The following RBFOX1 variants were observed in gnomAD, a reference collection of about 807,000 sequenced individuals.
RBFOX1 encodes the protein RNA binding protein fox-1 homolog 1.
Under a neutral mutation model 57.7 loss-of-function variants are expected in RBFOX1, and 8 were observed. The ratio of observed to expected loss-of-function variants is 0.14; its 90% CI spans 0.08 to 0.25. The LOEUF is 0.25. RBFOX1 is among the 10% of genes least tolerant of loss of function. RBFOX1 has a pLI of 1.00. For synonymous variants in RBFOX1, 326 were observed against 222.4 expected, an observed-to-expected ratio of 1.47 and a Z score of -4.15; for missense variants, 611 against 548.5, an observed-to-expected ratio of 1.11 and a Z score of -1.14.
chr16:5,850,673 G>C (rs537261234), intron 3 of RBFOX1, among the ~76,000 whole-genome samples: 2 of 152,216 alleles, frequency 1.3e-5, no homozygotes, highest in Non-Finnish European at 2.9e-5. Flanking sequence ...GTGAACAGAT[G>C]AGGAAACTGA....
At chr16:6,875,399 G>C (rs1340794401) in intron 3 of RBFOX1, among the ~76,000 whole-genome samples, 1 of 152,156 alleles carries the variant, frequency 6.6e-6, no homozygotes, top group African/African-American at 2.4e-5. Context: ...GAAGCTGGTA[G>C]TGGTTTTTGA....
intron 1 of RBFOX1, among the ~76,000 whole-genome samples, chr16:5,452,100 A>ATCTC (rs908178723): frequency 7.1e-6 from 1 of 140,542 alleles, no homozygotes; most frequent in Non-Finnish European, 1.5e-5. Context: ...ATTCTGATTT[A>ATCTC]TCTCTCTCTC....
intron 3 of RBFOX1, among the ~76,000 whole-genome samples, chr16:5,802,559 C>A (rs536318303): frequency 6.6e-6 from 1 of 152,182 alleles, no homozygotes; most frequent in Non-Finnish European, 1.5e-5. Flanking sequence ...TGCTTGTTAA[C>A]CTACGGGGAG....
intron 3 of RBFOX1, among the ~76,000 whole-genome samples, chr16:5,851,142 T>C (rs757025055): frequency 2.5e-4 from 38 of 152,200 alleles, no homozygotes; most frequent in South Asian, 1.2e-3. Flanking sequence ...AGCCCAAAAT[T>C]CTGGGTTGTG....
intron 3 of RBFOX1, among the ~76,000 whole-genome samples, chr16:6,982,394 C>T (rs549169579): frequency 1.3e-5 from 2 of 152,248 alleles, no homozygotes; most frequent in South Asian, 4.2e-4. Context: ...AATATCATTC[C>T]AGAGTCAGGG....
intron 2 of RBFOX1, among the ~76,000 whole-genome samples, chr16:6,366,338 A>G (rs1274885973): frequency 2.0e-5 from 3 of 152,180 alleles, no homozygotes; most frequent in Non-Finnish European, 4.4e-5. Flanking sequence ...AGACTTCTAC[A>G]TTCCTATTTT....
At chr16:7,180,354 T>C (rs998037923) in intron 4 of RBFOX1, among the ~76,000 whole-genome samples, 1 of 152,148 alleles carries the variant, frequency 6.6e-6, no homozygotes. Flanking sequence ...CAGTTACAGA[T>C]ACCACACACA....
At chr16:6,659,657 C>G (rs1211956840) in intron 3 of RBFOX1, among the ~76,000 whole-genome samples, 1 of 152,124 alleles carries the variant, frequency 6.6e-6, no homozygotes, top group South Asian at 2.1e-4. Context: ...AGTTTCAATA[C>G]TACCCTGCTT....
chr16:5,989,121 C>G (rs988312420), intron 4 of RBFOX1, among the ~76,000 whole-genome samples: 4 of 150,604 alleles, frequency 2.7e-5, no homozygotes, highest in Non-Finnish European at 5.9e-5. Flanking sequence ...GGGATCGAGA[C>G]CATCCTGACT....
intron 4 of RBFOX1, among the ~76,000 whole-genome samples, chr16:7,245,400 G>T: frequency 6.6e-6 from 1 of 152,026 alleles, no homozygotes; most frequent in East Asian, 1.9e-4. Flanking sequence ...TGCCATGGTT[G>T]TTTGCTGTAC....
chr16:7,023,696 G>C (rs2040023633), intron 3 of RBFOX1, among the ~76,000 whole-genome samples: 2 of 150,590 alleles, frequency 1.3e-5, no homozygotes, highest in African/African-American at 4.9e-5. Context: ...TCTTAAATCA[G>C]AGATGGGTGT....
chr16:6,769,243 G>A (rs1186407600), intron 3 of RBFOX1, among the ~76,000 whole-genome samples: 2 of 152,098 alleles, frequency 1.3e-5, no homozygotes, highest in African/African-American at 4.8e-5. Context: ...TTCTTTCTTT[G>A]CCTGCTGCCA....
At chr16:7,184,161 A>G (rs1241559094) in intron 4 of RBFOX1, among the ~76,000 whole-genome samples, 5 of 152,202 alleles carry the variant, frequency 3.3e-5, no homozygotes, top group Non-Finnish European at 5.9e-5. Context: ...TCATAAAAAG[A>G]GTAGCACAGG....
At chr16:6,840,987 C>G (rs1057174287) in intron 3 of RBFOX1, among the ~76,000 whole-genome samples, 1 of 152,016 alleles carries the variant, frequency 6.6e-6, no homozygotes, top group Non-Finnish European at 1.5e-5. Flanking sequence ...TGGACACTCA[C>G]CAGACACTGA....
At chr16:7,293,909 C>G (rs1224602955) in intron 4 of RBFOX1, among the ~76,000 whole-genome samples, 1 of 152,090 alleles carries the variant, frequency 6.6e-6, no homozygotes, top group East Asian at 1.9e-4. Flanking sequence ...TGGGAAGGTC[C>G]AGGTCAAGGT....
chr16:6,327,432 T>C (rs749389576), intron 2 of RBFOX1, among the ~76,000 whole-genome samples: 4 of 152,154 alleles, frequency 2.6e-5, no homozygotes, highest in African/African-American at 4.8e-5. Flanking sequence ...AGTCAAAGGA[T>C]AGAAGCATCT....
chr16:5,680,125 C>G (rs1382435107), intron 3 of RBFOX1, among the ~76,000 whole-genome samples: 1 of 152,122 alleles, frequency 6.6e-6, no homozygotes, highest in Non-Finnish European at 1.5e-5. Context: ...ATGAGACTGG[C>G]AGAGGAGAAG....
chr16:6,977,376 G>T (rs190333942), intron 3 of RBFOX1, among the ~76,000 whole-genome samples: 14 of 151,936 alleles, frequency 9.2e-5, no homozygotes, highest in Non-Finnish European at 1.6e-4. Context: ...CTAGATACCG[G>T]GATATCTGGA....
At chr16:6,897,756 A>G (rs1009629018) in intron 3 of RBFOX1, among the ~76,000 whole-genome samples, 5 of 152,206 alleles carry the variant, frequency 3.3e-5, no homozygotes, top group African/African-American at 1.2e-4. Flanking sequence ...TCATGCTGTT[A>G]CACTCCAGCC....
Sources: gnomAD v4.1 joint callset for allele counts (sites outside exome capture counted in the v4.1 genomes callset) on GRCh38, gnomAD v4.1.1 for gene constraint, MANE v1.5 for transcripts, NCBI Gene and HGNC (gene_info 2026-07-23, HGNC 2026-07-21) for gene names.